Variants in PRKCB observed in about 807,000 individuals in gnomAD.
PRKCB encodes protein kinase C beta.
PRKCB carries 13 observed loss-of-function variants against 81.5 expected under a neutral mutation model. That is an observed-to-expected ratio of 0.16 (90% confidence interval 0.10 to 0.25). The LOEUF is 0.25. Among genes scored for constraint, PRKCB ranks in the 10% least tolerant of loss-of-function variants. The pLI, the probability that PRKCB is intolerant of heterozygous loss-of-function variation, is 1.00. For missense variants in PRKCB, 509 were observed against 875.7 expected (o/e 0.58, Z 5.29); for synonymous variants, 335 against 321.4 (o/e 1.04, Z -0.45).
At chr16:23,982,328 CTTCCCT>C (rs1427039108) in intron 2 of PRKCB, among the ~76,000 whole-genome samples, 3 of 117,474 alleles carry the variant, frequency 2.6e-5, no homozygotes, top group South Asian at 2.9e-4. Context: ...TTCCCTTCCC[CTTCCCT>C]TTCCCTTTCC....
intron 2 of PRKCB, among the ~76,000 whole-genome samples, chr16:23,915,634 G>GC: frequency 7.6e-6 from 1 of 132,358 alleles, no homozygotes; most frequent in East Asian, 2.5e-4. Flanking sequence ...GGAGGCTGCA[G>GC]TGAGCTTTGA....
intron 3 of PRKCB, among the ~76,000 whole-genome samples, chr16:24,009,734 C>G (rs921371576): frequency 6.6e-6 from 1 of 151,788 alleles, no homozygotes; most frequent in Non-Finnish European, 1.5e-5. Context: ...CAAAACTAGG[C>G]TGGGCCCGGT....
chr16:24,139,691 C>T (rs545587278), intron 9 of PRKCB, among the ~76,000 whole-genome samples: 1 of 152,346 alleles, frequency 6.6e-6, no homozygotes, highest in South Asian at 2.1e-4. Context: ...TGCAACCTGT[C>T]AATCTGACCT....
At chr16:24,094,900 GA>G (rs1293396397) in intron 7 of PRKCB, among the ~76,000 whole-genome samples, 1 of 151,456 alleles carries the variant, frequency 6.6e-6, no homozygotes, top group Non-Finnish European at 1.5e-5. Flanking sequence ...AAAGAAGAAA[GA>G]AAGACGGAAA....
At chr16:23,989,132 T>G (rs1287577907) in intron 3 of PRKCB, among the ~76,000 whole-genome samples, 1 of 151,976 alleles carries the variant, frequency 6.6e-6, no homozygotes, top group African/African-American at 2.4e-5. Context: ...GGCTAATTTT[T>G]TGTTTTGTAT....
chr16:24,176,649 T>A (rs896120288), intron 12 of PRKCB, among the ~76,000 whole-genome samples: 1 of 152,078 alleles, frequency 6.6e-6, no homozygotes, highest in Non-Finnish European at 1.5e-5. Context: ...ACCCAACACA[T>A]AGGGAGGCCG....
chr16:24,156,482 C>T (rs1967159787), intron 10 of PRKCB, among the ~76,000 whole-genome samples: 1 of 152,104 alleles, frequency 6.6e-6, no homozygotes, highest in African/African-American at 2.4e-5. Context: ...ACCATGTTGT[C>T]CAGGCTGGTC....
chr16:24,016,067 C>A (rs1254492277), intron 3 of PRKCB, among the ~76,000 whole-genome samples: 2 of 152,086 alleles, frequency 1.3e-5, no homozygotes, highest in Non-Finnish European at 2.9e-5. Flanking sequence ...TTCCCTAGAA[C>A]CTCACAAAAC....
chr16:23,855,823 C>T (rs1362869563), intron 2 of PRKCB, among the ~76,000 whole-genome samples: 1 of 152,154 alleles, frequency 6.6e-6, no homozygotes, highest in Non-Finnish European at 1.5e-5. Context: ...TTGTGGGCTG[C>T]TCTTTGGAAG....
chr16:23,919,234 G>A (rs951179584), intron 2 of PRKCB, among the ~76,000 whole-genome samples: 1 of 152,170 alleles, frequency 6.6e-6, no homozygotes, highest in Non-Finnish European at 1.5e-5. Context: ...CTGCACAAAA[G>A]TAACTATAGC....
chr16:24,112,073 A>C (rs1373085897), intron 7 of PRKCB, among the ~76,000 whole-genome samples: 1 of 152,212 alleles, frequency 6.6e-6, no homozygotes, highest in Non-Finnish European at 1.5e-5. Context: ...CCACTAAGGG[A>C]TGCCGTTTCT....
chr16:24,008,516 T>G (rs910795994), intron 3 of PRKCB, among the ~76,000 whole-genome samples: 12 of 152,210 alleles, frequency 7.9e-5, no homozygotes, highest in Non-Finnish European at 1.2e-4. Context: ...ACGGGAAAAG[T>G]GTCCAGCTTG....
intron 10 of PRKCB, among the ~76,000 whole-genome samples, chr16:24,162,907 G>T (rs1967283751): frequency 6.8e-6 from 1 of 146,030 alleles, no homozygotes; most frequent in Non-Finnish European, 1.5e-5. Flanking sequence ...CAAAGACAAA[G>T]GTGTACCTGG....
At chr16:23,889,398 G>A (rs375465664) in intron 2 of PRKCB, among the ~76,000 whole-genome samples, 7 of 152,248 alleles carry the variant, frequency 4.6e-5, no homozygotes, top group African/African-American at 1.4e-4. Flanking sequence ...GTATGTGTAA[G>A]GTGCTTTCAG....
intron 2 of PRKCB, among the ~76,000 whole-genome samples, chr16:23,948,018 TCAATCAGGTGAGTCCTTG>T (rs1284891479): frequency 6.6e-6 from 1 of 151,982 alleles, no homozygotes; most frequent in Non-Finnish European, 1.5e-5. Context: ...CTAGGATCTG[TCAATCAGGTGAGTCCTTG>T]CTGGACTCTG....
At chr16:24,095,751 G>C (rs987126762) in intron 7 of PRKCB, among the ~76,000 whole-genome samples, 1 of 152,018 alleles carries the variant, frequency 6.6e-6, no homozygotes, top group Non-Finnish European at 1.5e-5. Flanking sequence ...CGGTCTGGTC[G>C]GGGTGGAGCC....
chr16:24,038,233 C>T (rs1965648091), intron 5 of PRKCB, among the ~76,000 whole-genome samples: 1 of 151,996 alleles, frequency 6.6e-6, no homozygotes, highest in Non-Finnish European at 1.5e-5. Context: ...GGTGTGGTGG[C>T]TCACACCTGT....
At chr16:23,868,424 A>G (rs1400111084) in intron 2 of PRKCB, among the ~76,000 whole-genome samples, 1 of 152,214 alleles carries the variant, frequency 6.6e-6, no homozygotes, top group Non-Finnish European at 1.5e-5. Flanking sequence ...AAGAATTTCT[A>G]TTTATTGAGC....
Position 24,196,590 on chromosome 16 carries a change from C to A in PRKCB, c.1863+5360C>A, listed in dbSNP as rs576931641. ...TTACAGATGCCATGATGTAGCCCTG[C>A]AGAGTGTCTTAAATTTTAATGTGCA... On this transcript the variant is annotated intron_variant, in intron 16 of 16. Transcript: ENST00000643927. Among the ~76,000 whole-genome samples, 5 of 152,288 alleles carry A rather than the reference C, an allele frequency of 3.3e-5. No homozygotes were observed. The South Asian group carries it at 1.0e-3, about 32-fold the overall frequency.
Sources: gnomAD v4.1 joint callset for allele counts (sites outside exome capture counted in the v4.1 genomes callset) on GRCh38, gnomAD v4.1.1 for gene constraint, MANE v1.5 for transcripts, NCBI Gene and HGNC (gene_info 2026-07-23, HGNC 2026-07-21) for gene names.